PDE11A: variants seen among roughly 807,000 people sequenced by gnomAD.
PDE11A encodes the protein phosphodiesterase 11A, also known as dual 3',5'-cyclic-AMP and -GMP phosphodiesterase 11A.
PDE11A carries 100 observed loss-of-function variants against 100.5 expected under a neutral mutation model. The observed-to-expected ratio is 1.00, with a 90% confidence interval of 0.85 to 1.18. PDE11A has a LOEUF of 1.18. PDE11A is among the 50% of genes most tolerant of loss of function. PDE11A has a pLI of 0.00. For synonymous variants in PDE11A, 381 were observed against 420.8 expected (o/e 0.91, Z 1.16); for missense variants, 1,141 against 1,152.6 (o/e 0.99, Z 0.15).
At chr2:177,872,249 A>T (rs1289110020) in intron 5 of PDE11A, among the ~76,000 whole-genome samples, 1 of 152,262 alleles carries the variant, frequency 6.6e-6, no homozygotes, top group Non-Finnish European at 1.5e-5. Context: ...GATAGAAGTT[A>T]TAGGAATATA....
intron 9 of PDE11A, among the ~76,000 whole-genome samples, chr2:177,782,177 A>G (rs755281231): frequency 2.0e-5 from 3 of 152,202 alleles, no homozygotes; most frequent in Non-Finnish European, 2.9e-5. Context: ...GCCAGAGGAT[A>G]ACATATCTTG....
chr2:178,034,995 G>T (rs759053875), intron 1 of PDE11A, among the ~76,000 whole-genome samples: 1 of 152,202 alleles, frequency 6.6e-6, no homozygotes, highest in Non-Finnish European at 1.5e-5. Flanking sequence ...ACATTCAAAA[G>T]CTAGCAGAGG....
intron 16 of PDE11A, among the ~76,000 whole-genome samples, chr2:177,678,768 T>C (rs1192555810): frequency 6.6e-6 from 1 of 152,116 alleles, no homozygotes; most frequent in Non-Finnish European, 1.5e-5. Context: ...TGGGGTTCCT[T>C]GTCAAAACAG....
chr2:177,828,761 G>A (rs1196922578), intron 6 of PDE11A, among the ~76,000 whole-genome samples: 1 of 152,084 alleles, frequency 6.6e-6, no homozygotes, highest in Non-Finnish European at 1.5e-5. Flanking sequence ...AAGGGATGGG[G>A]GTGGATGATA....
At chr2:177,853,676 ATATATGTGTG>A (rs1227019744) in intron 5 of PDE11A, among the ~76,000 whole-genome samples, 6 of 36,218 alleles carry the variant, frequency 1.7e-4, no homozygotes, top group South Asian at 1.2e-3. Flanking sequence ...ATATATATAT[ATATATGTGTG>A]TGTGTGTGTG....
At chr2:177,748,935 A>C (rs1240078085) in intron 10 of PDE11A, among the ~76,000 whole-genome samples, 1 of 152,228 alleles carries the variant, frequency 6.6e-6, no homozygotes, top group Non-Finnish European at 1.5e-5. Flanking sequence ...TGATAAAATT[A>C]TTGTTCTTCA....
At chr2:177,997,255 T>C (rs6706871) in intron 2 of PDE11A, 1 of 1,232,534 alleles carries the variant, frequency 8.1e-7, no homozygotes, top group East Asian at 2.3e-5. Flanking sequence ...CCCTCTACTT[T>C]CCCTGAAGGC....
intron 13 of PDE11A, among the ~76,000 whole-genome samples, chr2:177,710,203 G>A (rs1366450356): frequency 6.6e-6 from 1 of 152,098 alleles, no homozygotes; most frequent in Non-Finnish European, 1.5e-5. Flanking sequence ...CTCGGACGAG[G>A]GAAGGACAGC....
At chr2:177,989,989 G>C (rs2085983808) in intron 2 of PDE11A, among the ~76,000 whole-genome samples, 1 of 152,182 alleles carries the variant, frequency 6.6e-6, no homozygotes, top group African/African-American at 2.4e-5. Flanking sequence ...AAGGGGGAAA[G>C]AGAATGAGAG....
At chr2:178,012,596 T>C (rs928596158) in intron 2 of PDE11A, among the ~76,000 whole-genome samples, 8 of 152,116 alleles carry the variant, frequency 5.3e-5, no homozygotes, top group African/African-American at 1.9e-4. Flanking sequence ...GAACTAAACA[T>C]TGATGCTATT....
At chr2:177,665,495 AT>A (rs1553535735) in intron 18 of PDE11A, among the ~76,000 whole-genome samples, 37 of 144,390 alleles carry the variant, frequency 2.6e-4, no homozygotes, top group East Asian at 1.0e-3. Flanking sequence ...AAAAATAATA[AT>A]AATAAATAAA....
At chr2:177,972,412 A>C (rs2085783213) in intron 2 of PDE11A, among the ~76,000 whole-genome samples, 1 of 152,226 alleles carries the variant, frequency 6.6e-6, no homozygotes, top group African/African-American at 2.4e-5. Context: ...TCAGTGAAGC[A>C]TCCAGTGAAG....
At chr2:178,095,306 G>A (rs887778640) in intron 2 of PDE11A, among the ~76,000 whole-genome samples, 7 of 152,182 alleles carry the variant, frequency 4.6e-5, no homozygotes, top group African/African-American at 1.7e-4. Context: ...CCAAAACAAA[G>A]GGGCTACAGG....
intron 6 of PDE11A, among the ~76,000 whole-genome samples, chr2:177,837,481 T>C (rs1255753132): frequency 6.6e-6 from 1 of 151,720 alleles, no homozygotes; most frequent in Non-Finnish European, 1.5e-5. Flanking sequence ...TCTTTCTTTT[T>C]TTTTTTTTTT....
Position 178,025,782 on chromosome 2 carries a change from G to T in PDE11A, c.913-11322C>A, listed in dbSNP as rs1421370226. ...ATATAAGGAAAATGTCTAAGAAAAG[G>T]CCAGTACCTGAAGAAAGAGTTATGG... On this transcript the variant is annotated intron_variant, in intron 1 of 19. Transcript: ENST00000286063. Among the ~76,000 whole-genome samples the T allele has an allele frequency of 2.0e-5, 3 of 152,248 alleles. No homozygotes were observed. In the East Asian group the frequency reaches 5.8e-4, roughly 29 times the overall value.
intron 2 of PDE11A, among the ~76,000 whole-genome samples, chr2:177,963,383 C>T (rs1401180924): frequency 6.6e-6 from 1 of 152,154 alleles, no homozygotes; most frequent in African/African-American, 2.4e-5. Context: ...TGGTGACCTA[C>T]ACTCCTCCAT....
chr2:177,627,016 ACTT>A lies in PDE11A; in HGVS notation c.*2388_*2390del. 3.6e-5 allele frequency: 1 copy of A among 27,448 alleles called. No individual in the cohort carries two copies. The allele number at this position is 27,448 out of a possible 1,614,324, so 1.7% of individuals were successfully genotyped here. A position where few individuals can be genotyped will look rare whatever the true frequency, so the allele number is the denominator to read the frequency against. Reference sequence around the variant, plus strand: ...TTATTCCCCTCTTAGTCTGGTTTATACTTTTTTTTTTTTTTTTTTTTTTTTTTT... The same window carrying A: ...TTATTCCCCTCTTAGTCTGGTTTATATTTTTTTTTTTTTTTTTTTTTTTTT... On this transcript the variant is annotated 3_prime_UTR_variant, in exon 20 of 20. Coordinates refer to ENST00000286063, the MANE Select transcript of PDE11A (RefSeq NM_016953.4).
At chr2:177,842,994 G>A (rs957555006) in intron 5 of PDE11A, among the ~76,000 whole-genome samples, 2 of 152,136 alleles carry the variant, frequency 1.3e-5, no homozygotes, top group Non-Finnish European at 2.9e-5. Context: ...AACACGTAGG[G>A]AAATCTATAT....
At chr2:177,774,283 C>T (rs1337061866) in intron 9 of PDE11A, among the ~76,000 whole-genome samples, 1 of 152,188 alleles carries the variant, frequency 6.6e-6, no homozygotes, top group African/African-American at 2.4e-5. Context: ...GACTTTTCCC[C>T]ATCACCTATG....
Sources: gnomAD v4.1 joint callset for allele counts (sites outside exome capture counted in the v4.1 genomes callset) on GRCh38, gnomAD v4.1.1 for gene constraint, MANE v1.5 for transcripts, NCBI Gene and HGNC (gene_info 2026-07-23, HGNC 2026-07-21) for gene names.